Variants in TEX2 observed in about 807,000 individuals in gnomAD.
TEX2 encodes the protein testis expressed 2.
In TEX2, 53 loss-of-function variants were observed where a neutral mutation model predicts 106.9. The ratio of observed to expected loss-of-function variants is 0.50; its 90% CI spans 0.40 to 0.62. The LOEUF (loss-of-function observed/expected upper bound fraction) is 0.62, where lower values mean the gene tolerates loss of function less well. TEX2 is among the 20% of genes least tolerant of loss of function. TEX2 has a pLI of 0.00. For missense variants in TEX2, 1,207 were observed against 1,379.0 expected (o/e 0.88, Z 1.98); for synonymous variants, 523 against 534.8 (o/e 0.98, Z 0.30).
intron 5 of TEX2, among the ~76,000 whole-genome samples, chr17:64,179,427 C>G (rs902264271): frequency 6.6e-6 from 1 of 152,222 alleles, no homozygotes; most frequent in Non-Finnish European, 1.5e-5. Context: ...CCAGCAGCAG[C>G]GGCAACCTGC....
chr17:64,220,221 C>T (rs1555633131), intron 1 of TEX2, among the ~76,000 whole-genome samples: 1 of 152,160 alleles, frequency 6.6e-6, no homozygotes, highest in Admixed American at 6.5e-5. Flanking sequence ...GGATTAAAGA[C>T]TTAAACGGAA....
chr17:64,147,272 T>A lies in TEX2; in HGVS notation c.*1697A>T, dbSNP rs967198446. 1 of 152,122 alleles carries A rather than the reference T, an allele frequency of 6.6e-6. No homozygotes were observed. The highest frequency in any genetic ancestry group is 1.5e-5 in the Non-Finnish European group (1 of 68,034). The allele number at this position is 152,122 out of a possible 1,614,324, so 9.4% of individuals were successfully genotyped here. A position where few individuals can be genotyped will look rare whatever the true frequency, so the allele number is the denominator to read the frequency against. ...GTGGGCTGAAGATAATGGCACATAGTTTGAAGGATGTAGTGAGGATGGCTT... is the reference window on the plus strand; with the variant it reads ...GTGGGCTGAAGATAATGGCACATAGATTGAAGGATGTAGTGAGGATGGCTT... On this transcript the variant is annotated 3_prime_UTR_variant, in exon 12 of 12. Transcript: ENST00000584379.
At position 64,160,852 on chromosome 17, in the gene TEX2, C is replaced by G; in HGVS notation, c.2753G>C (p.Gly918Ala). ...CAGGGCTTCAACAAGAGGCTCTTTA[C>G]CTAGTTTGGTCAAATTCATTTTGGT... is the stretch of plus-strand genomic sequence containing the variant. ...LETKMNLTKL[G>A]KEPLVEALKV... Residue 918 changes from glycine (G) to alanine (A), a missense_variant, in exon 8 of 12, where the codon GGT (glycine) becomes GCT (alanine). Gly to Ala is a moderately conservative substitution (Grantham distance 60). This residue lies in a region of TEX2 where 1,067 missense variants were observed against 1,193.6 expected (regional missense o/e 0.89). Coordinates refer to ENST00000584379, the MANE Select transcript of TEX2 (RefSeq NM_001288732.2). 4 of 1,614,066 alleles carry G rather than the reference C, an allele frequency of 2.5e-6. No individual in the cohort carries two copies. The highest frequency in any genetic ancestry group is 3.4e-6 in the Non-Finnish European group (4 of 1,179,994).
intron 2 of TEX2, among the ~76,000 whole-genome samples, chr17:64,211,691 A>G (rs1223706830): frequency 1.3e-5 from 2 of 151,700 alleles, no homozygotes; most frequent in Non-Finnish European, 2.9e-5. Flanking sequence ...ACATTCATCG[A>G]TTTTGGTATC....
intron 1 of TEX2, among the ~76,000 whole-genome samples, chr17:64,243,118 G>A (rs1001576637): frequency 4.0e-5 from 6 of 151,674 alleles, no homozygotes; most frequent in Admixed American, 2.0e-4. Flanking sequence ...TAGTAGAGAC[G>A]GGATTTCACC....
intron 8 of TEX2, among the ~76,000 whole-genome samples, chr17:64,156,612 G>A (rs1044241609): frequency 2.0e-5 from 3 of 152,178 alleles, no homozygotes; most frequent in Admixed American, 6.5e-5. Context: ...AGCCTAAACC[G>A]GGTCTTGGGT....
At chr17:64,160,957 A>C in intron 7 of TEX2, 24 bp from the exon 8 acceptor site, 1 of 1,602,366 alleles carries the variant, frequency 6.2e-7, no homozygotes, top group Non-Finnish European at 8.5e-7. Flanking sequence ...GAAAAAACAG[A>C]AGGTTTTTTT....
intron 1 of TEX2, among the ~76,000 whole-genome samples, chr17:64,239,529 A>G (rs2033840591): frequency 6.6e-6 from 1 of 152,206 alleles, no homozygotes; most frequent in Non-Finnish European, 1.5e-5. Flanking sequence ...AAAACGATGA[A>G]TAAACTAAGC....
chr17:64,156,471 GC>G, intron 8 of TEX2, among the ~76,000 whole-genome samples: 1 of 152,354 alleles, frequency 6.6e-6, no homozygotes, highest in Non-Finnish European at 1.5e-5. Flanking sequence ...TCCACCAGAG[GC>G]CTGGCTGGTC....
intron 1 of TEX2, among the ~76,000 whole-genome samples, chr17:64,234,208 G>C (rs1359967990): frequency 6.6e-6 from 1 of 152,188 alleles, no homozygotes; most frequent in Non-Finnish European, 1.5e-5. Flanking sequence ...ACACAGCATG[G>C]AACCACACCG....
rs1555636375 is a variant in TEX2 at position 64,247,075 on chromosome 17, C to T, written c.-26+16093G>A. Reference sequence around the variant, plus strand: ...GGCAGATCACCTGAGGTCAGGAGTTCGTGACCAGCCTGACCAACATGGTGA... The same window carrying T: ...GGCAGATCACCTGAGGTCAGGAGTTTGTGACCAGCCTGACCAACATGGTGA... On this transcript the variant is annotated intron_variant, in intron 1 of 11. Coordinates refer to ENST00000584379, the MANE Select transcript of TEX2 (RefSeq NM_001288732.2). 2.6e-5 allele frequency among the ~76,000 whole-genome samples: 4 copies of T among 151,570 alleles called. No individual in the cohort carries two copies. The South Asian group carries it at 6.3e-4, about 24-fold the overall frequency.
chr17:64,203,815 G>A (rs1326498464), intron 2 of TEX2, among the ~76,000 whole-genome samples: 2 of 152,154 alleles, frequency 1.3e-5, no homozygotes, highest in Non-Finnish European at 2.9e-5. Context: ...TCCTCCAACT[G>A]CCTGCTTCAA....
chr17:64,246,331 T>C (rs2033987057), intron 1 of TEX2, among the ~76,000 whole-genome samples: 1 of 152,192 alleles, frequency 6.6e-6, no homozygotes, highest in Non-Finnish European at 1.5e-5. Context: ...CTGCAACCTC[T>C]GCCTCCCAGG....
intron 4 of TEX2, among the ~76,000 whole-genome samples, chr17:64,188,735 G>T (rs2032184583): frequency 6.6e-6 from 1 of 150,706 alleles, no homozygotes; most frequent in African/African-American, 2.4e-5. Flanking sequence ...AGAATGGTGT[G>T]AACCCAGGAG....
chr17:64,168,493 C>T (rs1297328444), intron 7 of TEX2, among the ~76,000 whole-genome samples: 1 of 152,138 alleles, frequency 6.6e-6, no homozygotes, highest in Non-Finnish European at 1.5e-5. Context: ...ACCATAGCTC[C>T]TGCTCTAGAA....
At chr17:64,188,555 GC>G in intron 4 of TEX2, 140 bp from the exon 5 acceptor site, 1 of 1,357,572 alleles carries the variant, frequency 7.4e-7, no homozygotes, top group Non-Finnish European at 9.8e-7. Context: ...GGTGGCTCAC[GC>G]CTGTAATCCC....
chr17:64,194,900 T>C lies in TEX2; in HGVS notation c.1840A>G (p.Ser614Gly). Residue 614 changes from serine (S) to glycine (G), a missense_variant, in exon 3 of 12, where the codon AGC (serine) becomes GGC (glycine). Physicochemically the swap from Ser to Gly is moderately conservative, Grantham distance 56. Around this residue, in one of 3 missense-constraint regions of TEX2, gnomAD observed 1,067 missense variants for 1,193.6 expected, o/e 0.89. Transcript: ENST00000584379. ...ISQKIYDLSD[S>G]KIYLVPKTLA... ...CCAAAATTGCTCAGGCTCACCTTGCTGTCTGAGAGGTCATAGATTTTCTGG... is the reference window on the plus strand; with the variant it reads ...CCAAAATTGCTCAGGCTCACCTTGCCGTCTGAGAGGTCATAGATTTTCTGG... The C allele has an allele frequency of 6.2e-7, 1 of 1,614,156 alleles. No homozygotes were observed. Among genetic ancestry groups the C allele is most frequent in the Non-Finnish European group, 8.5e-7 (1 of 1,179,964 alleles).
At chr17:64,258,024 G>A (rs1290099200) in intron 1 of TEX2, among the ~76,000 whole-genome samples, 1 of 151,654 alleles carries the variant, frequency 6.6e-6, no homozygotes, top group African/African-American at 2.4e-5. Flanking sequence ...CGATTCTCCT[G>A]CCTCAGCCTC....
intron 1 of TEX2, among the ~76,000 whole-genome samples, chr17:64,252,640 T>A (rs2034113595): frequency 6.6e-6 from 1 of 152,132 alleles, no homozygotes; most frequent in Non-Finnish European, 1.5e-5. Context: ...TAAAGAGAAG[T>A]CCTCAAGTTG....
Sources: allele counts gnomAD v4.1 joint callset (sites outside exome capture counted in the v4.1 genomes callset), GRCh38; gene constraint gnomAD v4.1.1; regional missense constraint gnomAD v4.1.1; transcripts MANE v1.5; gene names NCBI Gene and HGNC (gene_info 2026-07-23, HGNC 2026-07-21).